The following GALNT17 variants were observed in gnomAD, a reference collection of about 807,000 sequenced individuals.
GALNT17 encodes UDP-GalNAc:polypeptide N-acetylgalactosaminyltransferase-like 3.
A neutral mutation model predicts 63.7 loss-of-function variants in GALNT17; 29 were observed. The ratio of observed to expected loss-of-function variants is 0.46; its 90% CI spans 0.34 to 0.62. The LOEUF (loss-of-function observed/expected upper bound fraction) is 0.62, where lower values mean the gene tolerates loss of function less well. Among genes scored for constraint, GALNT17 ranks in the 20% least tolerant of loss-of-function variants. GALNT17 has a pLI of 0.01. For missense variants in GALNT17, 603 were observed against 799.6 expected (o/e 0.75, Z 2.97); for synonymous variants, 305 against 318.3 (o/e 0.96, Z 0.45).
intron 1 of GALNT17, among the ~76,000 whole-genome samples, chr7:71,244,533 G>A (rs1583792965): frequency 1.3e-5 from 2 of 152,240 alleles, no homozygotes; most frequent in South Asian, 4.2e-4. Context: ...ATCCCCATCT[G>A]TAAATAAAAT....
chr7:71,681,528 A>G lies in GALNT17; in HGVS notation c.1500+4222A>G, dbSNP rs150388013. On this transcript the variant is annotated intron_variant, in intron 9 of 10. Coordinates refer to ENST00000333538, the MANE Select transcript of GALNT17 (RefSeq NM_022479.3). The stretch of plus-strand genomic sequence containing the variant: ...AGCACACTCCCCACACCACCTTCCT[A>G]GGATACCCACAGCCTCTGGCCCAGG... Among the ~76,000 whole-genome samples the G allele has an allele frequency of 7.9e-3, 1,207 of 152,124 alleles. 22 individuals carry two copies. The highest frequency in any genetic ancestry group is 0.027 in the African/African-American group (1,133 of 41,500).
intron 9 of GALNT17, among the ~76,000 whole-genome samples, chr7:71,680,734 C>T (rs845063): frequency 0.54 from 2,638 of 4,886 alleles, 1,015 homozygotes; most frequent in Non-Finnish European, 0.91. Flanking sequence ...CTCTCCCTCC[C>T]TCCTTCCTTT....
chr7:71,603,261 T>TTACTATGCTAAGTGCATACACTGGA (rs1432725524), intron 6 of GALNT17, among the ~76,000 whole-genome samples: 1 of 150,204 alleles, frequency 6.7e-6, no homozygotes, highest in Admixed American at 6.6e-5. Flanking sequence ...CATATACCAG[T>TTACTATGCTAAGTGCATACACTGGA]TACTATGCTA....
At chr7:71,379,117 G>C (rs765820278) in intron 2 of GALNT17, among the ~76,000 whole-genome samples, 3 of 152,162 alleles carry the variant, frequency 2.0e-5, no homozygotes, top group Non-Finnish European at 4.4e-5. Context: ...AAGTAACAAA[G>C]GAGAAGTGCC....
At chr7:71,696,237 C>T (rs1293480436) in intron 9 of GALNT17, among the ~76,000 whole-genome samples, 1 of 151,802 alleles carries the variant, frequency 6.6e-6, no homozygotes, top group Non-Finnish European at 1.5e-5. Flanking sequence ...CTCAGCCTCC[C>T]GAGTAGCTGG....
chr7:71,291,143 T>C (rs1790972707), intron 1 of GALNT17, among the ~76,000 whole-genome samples: 1 of 152,210 alleles, frequency 6.6e-6, no homozygotes, highest in African/African-American at 2.4e-5. Context: ...CTTAATAAAT[T>C]AATGTATCCA....
chr7:71,595,719 T>C (rs1167179253), intron 6 of GALNT17, among the ~76,000 whole-genome samples: 2 of 151,040 alleles, frequency 1.3e-5, no homozygotes, highest in African/African-American at 2.4e-5. Flanking sequence ...TTGCCTGTTA[T>C]GATCTAACCA....
chr7:71,430,047 A>G (rs757985532), intron 5 of GALNT17, among the ~76,000 whole-genome samples: 6 of 151,680 alleles, frequency 4.0e-5, no homozygotes, highest in South Asian at 4.2e-4. Flanking sequence ...GGGTCTTGCT[A>G]TGTTGCCCAG....
At chr7:71,140,485 G>A (rs989798592) in intron 1 of GALNT17, among the ~76,000 whole-genome samples, 1 of 152,216 alleles carries the variant, frequency 6.6e-6, no homozygotes, top group African/African-American at 2.4e-5. Context: ...GCCAGTGGGG[G>A]CAGCTGCCAC....
chr7:71,471,161 TC>T (rs1268859443), intron 5 of GALNT17, among the ~76,000 whole-genome samples: 1 of 152,000 alleles, frequency 6.6e-6, no homozygotes, highest in Non-Finnish European at 1.5e-5. Context: ...GACTGCAACT[TC>T]AGGCTCCAGG....
At chr7:71,582,605 G>A (rs1001417885) in intron 6 of GALNT17, among the ~76,000 whole-genome samples, 1 of 151,672 alleles carries the variant, frequency 6.6e-6, no homozygotes, top group Non-Finnish European at 1.5e-5. Context: ...AGAATCTGTG[G>A]TATATATATA....
chr7:71,295,684 A>G (rs1791066062), intron 1 of GALNT17, among the ~76,000 whole-genome samples: 2 of 151,776 alleles, frequency 1.3e-5, no homozygotes, highest in East Asian at 3.9e-4. Flanking sequence ...CTGCAGCCTC[A>G]AATTCCTGGG....
At chr7:71,368,134 C>T (rs1792549593) in intron 2 of GALNT17, among the ~76,000 whole-genome samples, 1 of 152,236 alleles carries the variant, frequency 6.6e-6, no homozygotes, top group Non-Finnish European at 1.5e-5. Context: ...AGCGTGCACA[C>T]ACGCATCTTG....
chr7:71,229,975 T>TG (rs1450038506), intron 1 of GALNT17, among the ~76,000 whole-genome samples: 1 of 152,178 alleles, frequency 6.6e-6, no homozygotes, highest in East Asian at 1.9e-4. Context: ...TCTCAGGCAT[T>TG]GCCCAGCACA....
chr7:71,227,887 T>C (rs1056883551), intron 1 of GALNT17, among the ~76,000 whole-genome samples: 9 of 152,128 alleles, frequency 5.9e-5, no homozygotes, highest in Non-Finnish European at 1.3e-4. Context: ...GGCAAGATTC[T>C]GCCGGTCGTG....
intron 2 of GALNT17, among the ~76,000 whole-genome samples, chr7:71,357,673 A>G (rs1792312406): frequency 6.6e-6 from 1 of 152,090 alleles, no homozygotes; most frequent in Non-Finnish European, 1.5e-5. Context: ...TTGGGAGGTC[A>G]AGGTGGGTGG....
chr7:71,406,513 G>A (rs1271295206), intron 3 of GALNT17, among the ~76,000 whole-genome samples: 1 of 152,014 alleles, frequency 6.6e-6, no homozygotes, highest in Non-Finnish European at 1.5e-5. Context: ...TATCTCCATT[G>A]GACAGATAAG....
At chr7:71,579,445 A>G (rs139154710) in intron 6 of GALNT17, among the ~76,000 whole-genome samples, 9 of 152,362 alleles carry the variant, frequency 5.9e-5, no homozygotes, top group African/African-American at 2.2e-4. Flanking sequence ...ATAAATAATT[A>G]GCACTGTGAT....
At chr7:71,554,659 C>A (rs981256405) in intron 5 of GALNT17, among the ~76,000 whole-genome samples, 2 of 152,212 alleles carry the variant, frequency 1.3e-5, no homozygotes, top group African/African-American at 4.8e-5. Context: ...AGACAATTGC[C>A]TCCCGCCAGA....
Sources: gnomAD v4.1 joint callset for allele counts (sites outside exome capture counted in the v4.1 genomes callset) on GRCh38, gnomAD v4.1.1 for gene constraint, MANE v1.5 for transcripts, NCBI Gene and HGNC (gene_info 2026-07-23, HGNC 2026-07-21) for gene names.